Variants in PCDHA3 observed in about 807,000 individuals in gnomAD.
The protein encoded by PCDHA3 is protocadherin alpha-3.
Under a neutral mutation model 62.2 loss-of-function variants are expected in PCDHA3, and 41 were observed. The ratio of observed to expected loss-of-function variants is 0.66; its 90% confidence interval spans 0.51 to 0.86. The LOEUF (loss-of-function observed/expected upper bound fraction) is 0.86. PCDHA3 is among the 40% of genes least tolerant of loss of function. The pLI, the probability that PCDHA3 is intolerant of heterozygous loss-of-function variation, is 0.00. For missense variants in PCDHA3, 1,304 were observed against 1,241.2 expected, an observed-to-expected ratio of 1.05 and a Z score of -0.76; for synonymous variants, 640 against 555.4, an observed-to-expected ratio of 1.15 and a Z score of -2.14.
chr5:140,934,925 A>G (rs2090105619), intron 1 of PCDHA3, among the ~76,000 whole-genome samples: 1 of 152,196 alleles, frequency 6.6e-6, no homozygotes, highest in African/African-American at 2.4e-5. Context: ...ATTCACATAA[A>G]GTTACAAAAC....
At chr5:140,891,963 A>C (rs1202145353) in intron 1 of PCDHA3, among the ~76,000 whole-genome samples, 1 of 152,214 alleles carries the variant, frequency 6.6e-6, no homozygotes, top group African/African-American at 2.4e-5. Flanking sequence ...TGTGAGAAGT[A>C]AATTTCCGTT....
rs1465510521 is a variant in PCDHA3 at position 140,843,154 on chromosome 5, G to A, written c.2394+39563G>A. On this transcript the variant is annotated intron_variant, in intron 1 of 3. Coordinates refer to ENST00000522353, the MANE Select transcript of PCDHA3 (RefSeq NM_018906.3). ...ACAACGCGTGGCTTTCGTATGAGCT[G>A]CAGCCAGCTGCAAGCAGCCCTCGCA... The A allele has an allele frequency of 1.8e-5, 28 of 1,596,012 alleles. 2 individuals carry two copies. The highest frequency in any genetic ancestry group is 2.4e-5 in the Non-Finnish European group (28 of 1,165,622).
In PCDHA3 at chr5:140,884,535, C is replaced by A. The variant is rs142468733; in HGVS notation, c.2394+80944C>A. 15 of 1,614,034 alleles carry A rather than the reference C, an allele frequency of 9.3e-6. No individual in the cohort carries two copies. The South Asian group carries it at 1.5e-4, about 17-fold the overall frequency. ...TGGTCGTACTCGCAGCAGAGGCGGCCGAGGGTGTGCTCTGGGGAGGGCCCG... is the reference window on the plus strand; with the variant it reads ...TGGTCGTACTCGCAGCAGAGGCGGCAGAGGGTGTGCTCTGGGGAGGGCCCG... On this transcript the variant is annotated intron_variant, in intron 1 of 3. Transcript: ENST00000522353.
intron 1 of PCDHA3, chr5:140,852,235 C>A: frequency 1.8e-6 from 1 of 570,324 alleles, no homozygotes; most frequent in Non-Finnish European, 2.3e-6. Flanking sequence ...TAAATTTTCC[C>A]TTAAAACACA....
At chr5:140,884,320 A>T in intron 1 of PCDHA3, 1 of 1,613,806 alleles carries the variant, frequency 6.2e-7, no homozygotes, top group Non-Finnish European at 8.5e-7. Context: ...GGGCGTCGGC[A>T]GGCGCTGTGG....
At chr5:140,927,652 C>T (rs868980158) in intron 1 of PCDHA3, 28 of 1,614,054 alleles carry the variant, frequency 1.7e-5, no homozygotes, top group African/African-American at 9.3e-5. Flanking sequence ...TGTGTTATTC[C>T]GAGTTCAAGC....
Position 140,803,285 on chromosome 5 carries a change from C to T in PCDHA3, c.2088C>T (p.Val696=). 6.2e-7 allele frequency: 1 copy of T among 1,614,068 alleles called. No individual in the cohort carries two copies. The highest frequency in any genetic ancestry group is 8.5e-7 in the Non-Finnish European group (1 of 1,179,986). ...ATGPEAALVD[V]NVYLIVAICA... is the part of the protein sequence containing the mutation. ...GCCCGGAAGCTGCACTGGTGGATGTCAACGTGTACTTGATCGTCGCCATCT... is the reference window on the plus strand; with the variant it reads ...GCCCGGAAGCTGCACTGGTGGATGTTAACGTGTACTTGATCGTCGCCATCT... Residue 696 remains valine, a synonymous_variant, in exon 1 of 4, where the codon GTC becomes GTT. Coordinates refer to ENST00000522353, the MANE Select transcript of PCDHA3 (RefSeq NM_018906.3).
intron 1 of PCDHA3, among the ~76,000 whole-genome samples, chr5:140,890,243 A>G (rs782339518): frequency 6.6e-6 from 1 of 152,130 alleles, no homozygotes; most frequent in Non-Finnish European, 1.5e-5. Context: ...ATTTACCAGT[A>G]CACTACTGCA....
chr5:140,834,240 C>T (rs1209689880), intron 1 of PCDHA3: 2 of 806,998 alleles, frequency 2.5e-6, no homozygotes, highest in Non-Finnish European at 3.9e-6. Flanking sequence ...CATTCCTTTT[C>T]GCACTGGAAA....
chr5:140,808,706 T>C, intron 1 of PCDHA3: 10 of 1,612,168 alleles, frequency 6.2e-6, no homozygotes, highest in Non-Finnish European at 7.6e-6. Context: ...GCTGTCGAGC[T>C]ACGTTTCGGT....
intron 1 of PCDHA3, chr5:140,877,538 C>T: frequency 1.2e-6 from 2 of 1,613,776 alleles, no homozygotes; most frequent in Non-Finnish European, 1.7e-6. Context: ...GCTGTGGATC[C>T]CGAAGCGGCT....
intron 1 of PCDHA3, chr5:140,967,124 A>G (rs782387198): frequency 1.2e-6 from 2 of 1,612,200 alleles, no homozygotes; most frequent in South Asian, 2.2e-5. Context: ...CTGCCTGCTC[A>G]GCTTGGAAGT....
chr5:140,875,657 G>A (rs1241102848), intron 1 of PCDHA3: 1 of 1,613,738 alleles, frequency 6.2e-7, no homozygotes, highest in South Asian at 1.1e-5. Context: ...CTGGTGCCGC[G>A]CCTGTTCCGG....
At chr5:140,932,967 T>C (rs367764644) in intron 1 of PCDHA3, among the ~76,000 whole-genome samples, 2 of 152,036 alleles carry the variant, frequency 1.3e-5, no homozygotes, top group South Asian at 2.1e-4. Context: ...TGCTGAAAGG[T>C]TTTTACAATG....
chr5:140,976,584 A>G (rs2096724055), intron 1 of PCDHA3, among the ~76,000 whole-genome samples: 1 of 152,070 alleles, frequency 6.6e-6, no homozygotes. Context: ...TAAAACACAG[A>G]CTTTTGTGTT....
chr5:140,830,308 G>A, intron 1 of PCDHA3: 1 of 1,613,990 alleles, frequency 6.2e-7, no homozygotes, highest in Non-Finnish European at 8.5e-7. Flanking sequence ...AGCCCACGCT[G>A]GTGTGCTCCA....
intron 1 of PCDHA3, chr5:140,867,813 C>A (rs1189080463): frequency 6.6e-6 from 1 of 152,032 alleles, no homozygotes; most frequent in African/African-American, 2.4e-5. Flanking sequence ...TATGAAATTC[C>A]ATTTCCACAA....
At chr5:140,867,556 A>G (rs578116609) in intron 1 of PCDHA3, 33 of 152,264 alleles carry the variant, frequency 2.2e-4, no homozygotes, top group African/African-American at 7.5e-4. Flanking sequence ...TACACATATG[A>G]TAACTTTTTC....
At chr5:140,891,494 C>T (rs548491891) in intron 1 of PCDHA3, among the ~76,000 whole-genome samples, 1 of 151,678 alleles carries the variant, frequency 6.6e-6, no homozygotes, top group South Asian at 2.1e-4. Flanking sequence ...TGAGCATATC[C>T]TCAGCTATAA....
Sources: gnomAD v4.1 joint callset for allele counts (sites outside exome capture counted in the v4.1 genomes callset) on GRCh38, gnomAD v4.1.1 for gene constraint, MANE v1.5 for transcripts, NCBI Gene and HGNC (gene_info 2026-07-23, HGNC 2026-07-21) for gene names.